The following ADORA1 variants were observed in gnomAD, a reference collection of about 807,000 sequenced individuals.
ADORA1 encodes the protein adenosine A1 receptor.
Under a neutral mutation model 19.9 loss-of-function variants are expected in ADORA1, and 6 were observed. That is an observed-to-expected ratio of 0.30 (90% CI 0.17 to 0.59). ADORA1 has a LOEUF of 0.59. ADORA1 is among the 20% of genes least tolerant of loss of function. The probability of loss-of-function intolerance (pLI) is 0.87; values close to 1 mark genes in which losing one functional copy is unlikely to be tolerated. For missense variants in ADORA1, 302 were observed against 439.2 expected (o/e 0.69, Z 2.79); for synonymous variants, 194 against 188.4 (o/e 1.03, Z -0.24).
chr1:203,148,426 G>T (rs1292672121), intron 3 of ADORA1, among the ~76,000 whole-genome samples: 1 of 152,180 alleles, frequency 6.6e-6, no homozygotes, highest in East Asian at 1.9e-4. Flanking sequence ...CGGAGCAATC[G>T]GCTCCATCTT....
rs962249377 is a variant in ADORA1 at position 203,166,030 on chromosome 1, T to C, written c.*130T>C. On this transcript the variant is annotated 3_prime_UTR_variant, in exon 4 of 4. Coordinates refer to ENST00000337894, the MANE Select transcript of ADORA1 (RefSeq NM_000674.3). ...TTGGCTGGGGGCATGGGGGAGGCTC[T>C]GAAGAGATACCCACAGAGTGTGGTC... The C allele has an allele frequency of 8.1e-7, 1 of 1,227,902 alleles. No individual in the cohort carries two copies. The highest frequency in any genetic ancestry group is 1.5e-5 in the African/African-American group (1 of 66,164). The allele number at this position is 1,227,902 out of a possible 1,614,324, so 76.1% of individuals were successfully genotyped here.
chr1:203,158,136 C>T (rs753658876), intron 3 of ADORA1, among the ~76,000 whole-genome samples: 4 of 152,160 alleles, frequency 2.6e-5, no homozygotes, highest in South Asian at 2.1e-4. Context: ...GCTTCCCTTT[C>T]GATGATAAGT....
chr1:203,143,079 A>G (rs1181015405), intron 3 of ADORA1, among the ~76,000 whole-genome samples: 1 of 152,184 alleles, frequency 6.6e-6, no homozygotes, highest in Non-Finnish European at 1.5e-5. Flanking sequence ...ACAACTTAGA[A>G]TGAGGGGTGT....
At chr1:203,161,572 A>AT (rs34898677) in intron 3 of ADORA1, among the ~76,000 whole-genome samples, 5,315 of 136,602 alleles carry the variant, frequency 0.039, 263 homozygotes, top group African/African-American at 0.12. Flanking sequence ...CCTCAGGGCT[A>AT]TTTTTTTTTT....
chr1:203,164,508 G>A (rs1180265760), intron 3 of ADORA1, among the ~76,000 whole-genome samples: 1 of 152,204 alleles, frequency 6.6e-6, no homozygotes, highest in Non-Finnish European at 1.5e-5. Flanking sequence ...TCTTTCCTGA[G>A]CATCATTCCC....
At chr1:203,140,516 G>A (rs1164736872) in intron 3 of ADORA1, among the ~76,000 whole-genome samples, 1 of 152,134 alleles carries the variant, frequency 6.6e-6, no homozygotes, top group Non-Finnish European at 1.5e-5. Context: ...GCACTGTGAT[G>A]GCAGGGTCGC....
chr1:203,155,965 C>T (rs535027167), intron 3 of ADORA1, among the ~76,000 whole-genome samples: 1 of 152,366 alleles, frequency 6.6e-6, no homozygotes, highest in East Asian at 1.9e-4. Context: ...CCATTTAATC[C>T]TTATCTCTTG....
intron 3 of ADORA1, among the ~76,000 whole-genome samples, chr1:203,139,210 A>G (rs1211198729): frequency 6.6e-6 from 1 of 152,202 alleles, no homozygotes; most frequent in Non-Finnish European, 1.5e-5. Context: ...GTGATGAAAT[A>G]AAGGAGAGAA....
At chr1:203,158,400 C>G (rs1655260250) in intron 3 of ADORA1, among the ~76,000 whole-genome samples, 1 of 152,234 alleles carries the variant, frequency 6.6e-6, no homozygotes. Flanking sequence ...GAGACCTCAT[C>G]CAAAATTCTT....
chr1:203,141,104 G>C (rs1157788881), intron 3 of ADORA1, among the ~76,000 whole-genome samples: 1 of 150,488 alleles, frequency 6.6e-6, no homozygotes, highest in Non-Finnish European at 1.5e-5. Flanking sequence ...TCAATAAGCA[G>C]GCATCACCAA....
chr1:203,163,390 G>A (rs1316361687), intron 3 of ADORA1, among the ~76,000 whole-genome samples: 1 of 152,178 alleles, frequency 6.6e-6, no homozygotes, highest in Non-Finnish European at 1.5e-5. Flanking sequence ...TCTGCACCAG[G>A]CCTGGCCATT....
chr1:203,143,083 G>A (rs1654746091), intron 3 of ADORA1, among the ~76,000 whole-genome samples: 1 of 152,178 alleles, frequency 6.6e-6, no homozygotes, highest in Admixed American at 6.5e-5. Context: ...CTTAGAATGA[G>A]GGGTGTTGTC....
chr1:203,128,814 C>A lies in ADORA1; in HGVS notation c.-28C>A. ...TTGCCTCGTGCCCCTTGGTGCCCGT[C>A]TGCTGATGTGCCCAGCCTGTGCCCG... On this transcript the variant is annotated 5_prime_UTR_variant, in exon 3 of 4. The change creates a new upstream start codon in the 5' untranslated region. Transcript: ENST00000337894. The surrounding 1 kb of genome is among the most constrained non-coding windows in gnomAD (Gnocchi z 5.9). 1 of 1,563,974 alleles carries A rather than the reference C, an allele frequency of 6.4e-7. No individual in the cohort carries two copies. Among genetic ancestry groups the A allele is most frequent in the South Asian group, 1.2e-5 (1 of 83,960 alleles).
At chr1:203,129,305 G>A (rs1399397835) in intron 3 of ADORA1, 123 bp downstream of exon 3, 3 of 1,460,854 alleles carry the variant, frequency 2.1e-6, no homozygotes, top group East Asian at 4.9e-5. Flanking sequence ...GGGCCATCGT[G>A]CTCCAGTCCT....
intron 3 of ADORA1, among the ~76,000 whole-genome samples, chr1:203,131,219 C>A (rs956612666): frequency 6.6e-6 from 1 of 152,164 alleles, no homozygotes; most frequent in Non-Finnish European, 1.5e-5. Context: ...CTGCCACTCA[C>A]GCTCTTAGGT....
chr1:203,135,487 G>A lies in ADORA1; in HGVS notation c.341+6305G>A, dbSNP rs117768848. On this transcript the variant is annotated intron_variant, in intron 3 of 3. Transcript: ENST00000337894. The stretch of plus-strand genomic sequence containing the variant: ...CATCTTGGCCAGCATGGTGAAATGC[G>A]TCTCTACTAAAAATACAAAAATTAG... Among the ~76,000 whole-genome samples, 149 of 152,038 alleles carry A rather than the reference G, an allele frequency of 9.8e-4. 2 individuals carry two copies. The East Asian group carries it at 0.016, about 17-fold the overall frequency.
intron 3 of ADORA1, among the ~76,000 whole-genome samples, chr1:203,156,752 G>T (rs1277418975): frequency 6.6e-6 from 1 of 152,176 alleles, no homozygotes; most frequent in African/African-American, 2.4e-5. Flanking sequence ...TCACAGTTCT[G>T]GAGGCTGGGA....
In ADORA1 at chr1:203,165,247, C is replaced by G; in HGVS notation, c.342-14C>G. ...GGGAGGCAGATCCTCACACTCTGCC[C>G]TCCTCTCCCCCAGGTACAAGATGGT... On this transcript the variant is annotated splice_polypyrimidine_tract_variant and intron_variant, in intron 3 of 3. Coordinates refer to ENST00000337894, the MANE Select transcript of ADORA1 (RefSeq NM_000674.3). This position sits in a 1 kb window ranked among gnomAD's most constrained non-coding sequence, Gnocchi z 5.9. The G allele has an allele frequency of 6.3e-7, 1 of 1,594,260 alleles. No individual in the cohort carries two copies. Among genetic ancestry groups the G allele is most frequent in the Middle Eastern group, 1.7e-4 (1 of 5,938 alleles).
intron 3 of ADORA1, among the ~76,000 whole-genome samples, chr1:203,151,015 G>T (rs1845466): frequency 0.59 from 89,701 of 152,024 alleles, 29,271 homozygotes; most frequent in Non-Finnish European, 0.74. Flanking sequence ...CAACCCCAGC[G>T]GGTGCCTTTG....
Sources: allele counts gnomAD v4.1 joint callset (sites outside exome capture counted in the v4.1 genomes callset), GRCh38; gene constraint gnomAD v4.1.1; non-coding constraint Gnocchi (gnomAD v3.1); transcripts MANE v1.5; gene names NCBI Gene and HGNC (gene_info 2026-07-23, HGNC 2026-07-21).